The following SNX6 variants were observed in gnomAD, a reference collection of about 807,000 sequenced individuals.
SNX6 encodes the protein sorting nexin-6.
In SNX6, 34 loss-of-function variants were observed where a neutral mutation model predicts 63.0. The ratio of observed to expected loss-of-function variants is 0.54; its 90% CI spans 0.41 to 0.72. The LOEUF (loss-of-function observed/expected upper bound fraction) is 0.72. SNX6 is among the 30% of genes least tolerant of loss of function. The pLI is 0.00. For synonymous variants in SNX6, 170 were observed against 164.2 expected (o/e 1.04, Z -0.27); for missense variants, 398 against 471.4 (o/e 0.84, Z 1.44).
chr14:34,598,006 G>A lies in SNX6; in HGVS notation c.517-361C>T, dbSNP rs55983881. On this transcript the variant is annotated intron_variant, in intron 6 of 13. Transcript: ENST00000362031. ...AGACAATTAAAATTTTAGCTCGGGA[G>A]TTCCTTTAAACATGTGAAATTTATT... 2.1e-3 allele frequency among the ~76,000 whole-genome samples: 325 copies of A among 152,250 alleles called. 1 individual carries two copies. The highest frequency in any genetic ancestry group is 3.0e-3 in the Non-Finnish European group (202 of 68,020).
intron 9 of SNX6, among the ~76,000 whole-genome samples, chr14:34,583,477 C>T (rs1197864602): frequency 1.2e-4 from 17 of 145,782 alleles, no homozygotes; most frequent in East Asian, 4.0e-4. Flanking sequence ...TCTGTCACCC[C>T]GTTCTGGCAC....
At chr14:34,605,751 A>G in intron 4 of SNX6, 34 bp from the exon 5 acceptor site, 1 of 1,582,406 alleles carries the variant, frequency 6.3e-7, no homozygotes, top group South Asian at 1.2e-5. Context: ...TTTTAAGGAA[A>G]TTTTCATTTC....
At chr14:34,585,005 AC>A (rs745736059) in intron 9 of SNX6, among the ~76,000 whole-genome samples, 120 of 152,032 alleles carry the variant, frequency 7.9e-4, no homozygotes, top group Non-Finnish European at 1.4e-3. Context: ...GACACCTGCC[AC>A]CACACTTGGC....
At chr14:34,584,504 T>C (rs970906739) in intron 9 of SNX6, among the ~76,000 whole-genome samples, 2 of 151,414 alleles carry the variant, frequency 1.3e-5, no homozygotes, top group African/African-American at 4.8e-5. Context: ...CACTCCAGCC[T>C]GGGTGACAGA....
chr14:34,598,664 T>C (rs750988030), intron 6 of SNX6, among the ~76,000 whole-genome samples: 1 of 152,216 alleles, frequency 6.6e-6, no homozygotes, highest in Admixed American at 6.5e-5. Flanking sequence ...ATTACAGGCA[T>C]GAGCCATCAC....
chr14:34,605,759 T>A, intron 4 of SNX6, 42 bp from the exon 5 acceptor site: 1 of 1,582,730 alleles, frequency 6.3e-7, no homozygotes, highest in Non-Finnish European at 8.5e-7. Context: ...AAATTTTCAT[T>A]TCTTGAAGCA....
intron 2 of SNX6, among the ~76,000 whole-genome samples, chr14:34,616,213 CA>C (rs141473336): frequency 0.14 from 21,876 of 152,134 alleles, 1,694 homozygotes; most frequent in East Asian, 0.17. Flanking sequence ...TTCAGCCTCC[CA>C]AAGTGCTGGG....
At chr14:34,606,143 C>T (rs1288358106) in intron 4 of SNX6, among the ~76,000 whole-genome samples, 1 of 151,164 alleles carries the variant, frequency 6.6e-6, no homozygotes, top group African/African-American at 2.4e-5. Context: ...CGCTGCACTC[C>T]AGCCTGGGTG....
chr14:34,593,747 T>A (rs1393452475), intron 7 of SNX6, among the ~76,000 whole-genome samples: 2 of 151,056 alleles, frequency 1.3e-5, no homozygotes, highest in African/African-American at 4.9e-5. Context: ...AATTTTTTTT[T>A]TTTTGTATTT....
chr14:34,630,136 C>T lies in SNX6; in HGVS notation c.-20G>A, dbSNP rs1368094508. The T allele has an allele frequency of 9.8e-6, 13 of 1,324,432 alleles. No individual in the cohort carries two copies. Among genetic ancestry groups the T allele is most frequent in the Non-Finnish European group, 1.2e-5 (12 of 1,042,948 alleles). 82.0% of individuals were successfully genotyped at this position (1,324,432 alleles called of 1,614,324 possible). A position where few individuals can be genotyped will look rare whatever the true frequency, so the allele number is the denominator to read the frequency against. The stretch of plus-strand genomic sequence containing the variant: ...CATCATGGCTGCTCCGAGGCGAGGG[C>T]CGGCGCAGGCGCGCATCTCCCTGCT... On this transcript the variant is annotated 5_prime_UTR_variant, in exon 1 of 14. Transcript: ENST00000362031.
At chr14:34,578,607 G>T (rs2138285438) in intron 10 of SNX6, among the ~76,000 whole-genome samples, 1 of 139,046 alleles carries the variant, frequency 7.2e-6, no homozygotes, top group East Asian at 2.2e-4. Flanking sequence ...TCCAGCCTGG[G>T]TGACAGAGTG....
chr14:34,575,985 GCT>G, intron 10 of SNX6, 143 bp from the exon 11 acceptor site: 2 of 349,718 alleles, frequency 5.7e-6, no homozygotes, highest in Non-Finnish European at 1.1e-5. Context: ...GTGCAGTGGC[GCT>G]ATCTTGGCTC....
At chr14:34,614,925 T>C (rs1883362164) in intron 2 of SNX6, among the ~76,000 whole-genome samples, 1 of 152,138 alleles carries the variant, frequency 6.6e-6, no homozygotes, top group African/African-American at 2.4e-5. Context: ...TTCCTATCTC[T>C]ATGTACACTT....
intron 10 of SNX6, 131 bp from the exon 11 acceptor site, chr14:34,575,973 G>C: frequency 2.6e-6 from 1 of 385,052 alleles, no homozygotes; most frequent in Non-Finnish European, 4.8e-6. Context: ...ACCCAGGCTG[G>C]AGTGCAGTGG....
chr14:34,607,873 A>G (rs979350649), intron 4 of SNX6, among the ~76,000 whole-genome samples, 157 bp downstream of exon 4: 1 of 152,120 alleles, frequency 6.6e-6, no homozygotes, highest in Non-Finnish European at 1.5e-5. Context: ...GCGTCACTAC[A>G]CTCCAGCCTG....
chr14:34,578,033 ACCCCCCCG>A (rs1881779521), intron 10 of SNX6, among the ~76,000 whole-genome samples: 1 of 143,066 alleles, frequency 7.0e-6, no homozygotes, highest in African/African-American at 2.6e-5. Context: ...GTGAAACCCC[ACCCCCCCG>A]TCTCTACATA....
intron 11 of SNX6, among the ~76,000 whole-genome samples, chr14:34,568,380 G>A (rs551996716): frequency 1.1e-4 from 16 of 151,926 alleles, no homozygotes; most frequent in South Asian, 2.1e-4. Flanking sequence ...ACAGGTGCAC[G>A]CCACCACGCC....
chr14:34,592,289 G>A (rs189357952), intron 8 of SNX6, among the ~76,000 whole-genome samples: 8 of 152,262 alleles, frequency 5.3e-5, no homozygotes, highest in African/African-American at 1.9e-4. Flanking sequence ...GGGAGGCTGA[G>A]GCAGGAGAAC....
At chr14:34,594,401 T>C (rs1882520682) in intron 7 of SNX6, among the ~76,000 whole-genome samples, 1 of 152,122 alleles carries the variant, frequency 6.6e-6, no homozygotes, top group Non-Finnish European at 1.5e-5. Context: ...TAATCCAGGC[T>C]GGACTGCAGT....
Sources: gnomAD v4.1 joint callset for allele counts (sites outside exome capture counted in the v4.1 genomes callset) on GRCh38, gnomAD v4.1.1 for gene constraint, MANE v1.5 for transcripts, NCBI Gene and HGNC (gene_info 2026-07-23, HGNC 2026-07-21) for gene names.